Variants in USP34 observed in about 807,000 individuals in gnomAD.
The protein encoded by USP34 is ubiquitin specific peptidase 34.
In USP34, 70 loss-of-function variants were observed where a neutral mutation model predicts 460.3. The ratio of observed to expected loss-of-function variants is 0.15; its 90% confidence interval spans 0.13 to 0.19. USP34 has a LOEUF of 0.19. USP34 is among the 10% of genes least tolerant of loss of function. The probability of loss-of-function intolerance (pLI) is 1.00; values close to 1 mark genes in which losing one functional copy is unlikely to be tolerated. For missense variants in USP34, 3,985 were observed against 4,236.2 expected (o/e 0.94, Z 1.65); for synonymous variants, 1,647 against 1,405.3 (o/e 1.17, Z -3.85).
chr2:61,286,426 C>T lies in USP34; in HGVS notation c.4750-1469G>A, dbSNP rs146968445. ...ATCCCAGCACTTTGGGAGGCCGAGG[C>T]AGGAGGATCACTTGAGGTCAGGAGT... On this transcript the variant is annotated intron_variant, in intron 34 of 79. Coordinates refer to ENST00000398571, the MANE Select transcript of USP34 (RefSeq NM_014709.4). Among the ~76,000 whole-genome samples, 748 of 152,176 alleles carry T rather than the reference C, an allele frequency of 4.9e-3. 3 individuals are homozygous for T. The highest frequency in any genetic ancestry group is 0.017 in the African/African-American group (716 of 41,518).
At chr2:61,380,854 C>A (rs2103863600) in intron 6 of USP34, among the ~76,000 whole-genome samples, 1 of 152,294 alleles carries the variant, frequency 6.6e-6, no homozygotes, top group South Asian at 2.1e-4. Flanking sequence ...GCCTGATGCT[C>A]CAACTGACAT....
chr2:61,229,125 G>A (rs1187413076), intron 59 of USP34, 130 bp from the exon 60 acceptor site: 1 of 629,208 alleles, frequency 1.6e-6, no homozygotes, highest in African/African-American at 1.9e-5. Flanking sequence ...AATAACTTAA[G>A]TAGTTATTGT....
intron 10 of USP34, among the ~76,000 whole-genome samples, chr2:61,362,887 T>G (rs2103816763): frequency 6.6e-6 from 1 of 152,346 alleles, no homozygotes; most frequent in Non-Finnish European, 1.5e-5. Flanking sequence ...TTGTATAGTA[T>G]TTCTCAGTAT....
intron 65 of USP34, among the ~76,000 whole-genome samples, chr2:61,222,045 C>T (rs1374139369): frequency 6.6e-6 from 1 of 152,154 alleles, no homozygotes; most frequent in East Asian, 1.9e-4. Flanking sequence ...CGCTACATTG[C>T]ACAACAGATC....
At chr2:61,257,403 T>C (rs1388748936) in intron 44 of USP34, 53 bp from the exon 45 acceptor site, 6 of 1,475,474 alleles carry the variant, frequency 4.1e-6, no homozygotes, top group Non-Finnish European at 4.5e-6. Context: ...AAGAAAATTA[T>C]AGGTTCTTCA....
intron 41 of USP34, among the ~76,000 whole-genome samples, chr2:61,269,558 C>T (rs1689152529): frequency 6.6e-6 from 1 of 151,888 alleles, no homozygotes; most frequent in Non-Finnish European, 1.5e-5. Context: ...CAATAATTTC[C>T]TGAATGTATA....
Position 61,370,360 on chromosome 2 carries a change from C to G in USP34, c.1212G>C (p.Leu404=). 1.9e-6 allele frequency: 3 copies of G among 1,614,072 alleles called. No homozygotes were observed. The highest frequency in any genetic ancestry group is 2.5e-6 in the Non-Finnish European group (3 of 1,179,960). The change falls in exon 10 of 80, where the codon CTG becomes CTC. Residue 404 remains leucine (L), a synonymous_variant. Transcript: ENST00000398571. ...AAATACAGTCAATATGTTGAGTACT[C>G]AGTCGCCCTTCTGCTGCCAAAAAAT... ...ILNFLAAEGR[L]STQHIDCIWA...
intron 69 of USP34, among the ~76,000 whole-genome samples, chr2:61,209,988 T>A (rs972423276): frequency 6.6e-6 from 1 of 152,204 alleles, no homozygotes; most frequent in Non-Finnish European, 1.5e-5. Flanking sequence ...ATATAAATAC[T>A]TTTGTTCAGC....
chr2:61,278,060 T>C, intron 41 of USP34, 105 bp downstream of exon 41: 4 of 1,356,662 alleles, frequency 2.9e-6, no homozygotes, highest in South Asian at 1.4e-5. Flanking sequence ...CTGCCCAGTC[T>C]CGGGTATGCC....
In USP34 at chr2:61,471,028, C is replaced by G. The variant is rs74181273; in HGVS notation, c.-336G>C. ...GAGAGAAGCAGCAGAGTCACTTCAC[C>G]GACCAGACGCCGCGGCCACCGCCGA... is the stretch of plus-strand genomic sequence containing the variant. On this transcript the variant is annotated 5_prime_UTR_variant, in exon 1 of 80. Coordinates refer to ENST00000398571, the MANE Select transcript of USP34 (RefSeq NM_014709.4). Among the ~76,000 whole-genome samples the G allele has an allele frequency of 1.3e-5, 2 of 150,854 alleles. No individual in the cohort carries two copies. Among genetic ancestry groups the G allele is most frequent in the African/African-American group, 4.9e-5 (2 of 41,162 alleles).
chr2:61,466,771 G>A (rs370285126), intron 1 of USP34, among the ~76,000 whole-genome samples: 29 of 152,128 alleles, frequency 1.9e-4, no homozygotes, highest in South Asian at 6.2e-4. Context: ...AATTAGCCAG[G>A]CAAGGAGGCG....
At chr2:61,262,942 G>C (rs943666253) in intron 43 of USP34, among the ~76,000 whole-genome samples, 1 of 152,040 alleles carries the variant, frequency 6.6e-6, no homozygotes, top group Non-Finnish European at 1.5e-5. Flanking sequence ...GAGTAATACT[G>C]AGCATTTTTT....
In USP34 at chr2:61,236,052, C is replaced by T; in HGVS notation, c.6940G>A (p.Glu2314Lys). 6.2e-7 allele frequency: 1 copy of T among 1,607,412 alleles called. No individual in the cohort carries two copies. The highest frequency in any genetic ancestry group is 1.3e-5 in the African/African-American group (1 of 74,402). ...TTTTCTTTAGAATGAATAAATGTCT[C>T]TAGGACAAAGGAAGTGCTTAACTGT... ...TAKLSTSFVLETFIHSKEKPT... is the reference protein window; with the variant it reads ...TAKLSTSFVLKTFIHSKEKPT... Residue 2314 changes from glutamate (E) to lysine (K), a missense_variant, in exon 56 of 80, where the codon GAG (glutamate) becomes AAG (lysine). Physicochemically the swap from Glu to Lys is moderately conservative, Grantham distance 56. Transcript: ENST00000398571.
intron 67 of USP34, among the ~76,000 whole-genome samples, chr2:61,217,476 C>G (rs1218052540): frequency 6.6e-6 from 1 of 152,154 alleles, no homozygotes; most frequent in Non-Finnish European, 1.5e-5. Flanking sequence ...TATTTGGACT[C>G]TTATCAAGTT....
At chr2:61,272,508 A>G (rs965123301) in intron 41 of USP34, among the ~76,000 whole-genome samples, 5 of 152,052 alleles carry the variant, frequency 3.3e-5, no homozygotes, top group Non-Finnish European at 5.9e-5. Flanking sequence ...CTCTACCTTC[A>G]ATAAATATTC....
intron 71 of USP34, among the ~76,000 whole-genome samples, chr2:61,206,530 A>G (rs1178923430): frequency 1.3e-5 from 2 of 152,232 alleles, no homozygotes; most frequent in African/African-American, 4.8e-5. Flanking sequence ...AATCTCTGAA[A>G]TCTTGATACC....
In USP34 at chr2:61,229,601, C is replaced by T; in HGVS notation, c.7146G>A (p.Gln2382=). The T allele has an allele frequency of 1.2e-6, 2 of 1,612,850 alleles. No homozygotes were observed. The highest frequency in any genetic ancestry group is 8.5e-7 in the Non-Finnish European group (1 of 1,179,588). The change falls in exon 59 of 80, where the codon CAG becomes CAA. Residue 2382 remains glutamine (Q), a synonymous_variant. Transcript: ENST00000398571. ...MFQRLCIHVI[Q]RLRPVHAHLY... ...GATGAGCATGCACAGGTCTCAGCCT[C>T]TGAATCACATGGATACACAAACGCT...
intron 37 of USP34, among the ~76,000 whole-genome samples, 197 bp from the exon 38 acceptor site, chr2:61,281,439 C>T (rs1026320527): frequency 3.3e-5 from 5 of 152,226 alleles, no homozygotes; most frequent in African/African-American, 1.2e-4. Flanking sequence ...TGGCAAAACC[C>T]TGTCACCACA....
intron 8 of USP34, among the ~76,000 whole-genome samples, chr2:61,374,505 C>T (rs58275190): frequency 0.027 from 4,099 of 152,256 alleles, 192 homozygotes; most frequent in African/African-American, 0.094. Context: ...CCAATATGCA[C>T]ATTCCCACCT....
Sources: allele counts gnomAD v4.1 joint callset (sites outside exome capture counted in the v4.1 genomes callset), GRCh38; gene constraint gnomAD v4.1.1; transcripts MANE v1.5; gene names NCBI Gene and HGNC (gene_info 2026-07-23, HGNC 2026-07-21).